The following OXCT2 variants were observed in gnomAD, a reference collection of about 807,000 sequenced individuals.
OXCT2 encodes succinyl-CoA:3-ketoacid coenzyme A transferase 2, mitochondrial.
For missense variants in OXCT2, 317 were observed against 695.7 expected (o/e 0.46, Z 6.12); for synonymous variants, 110 against 298.4 (o/e 0.37, Z 6.51).
In OXCT2 at chr1:39,769,674, G is replaced by C; in HGVS notation, c.*28C>G. The stretch of plus-strand genomic sequence containing the variant: ...CCCGGTGGCACCCGCCCTGAGGAGC[G>C]CACCACCCCGCCCAGATCCAGGTCC... On this transcript the variant is annotated 3_prime_UTR_variant, in exon 1 of 1. Coordinates refer to ENST00000327582, the MANE Select transcript of OXCT2 (RefSeq NM_022120.2). The C allele has an allele frequency of 6.4e-7, 1 of 1,561,488 alleles. No homozygotes were observed. Among genetic ancestry groups the C allele is most frequent in the East Asian group, 2.3e-5 (1 of 44,062 alleles).
chr1:39,770,605 C>G lies in OXCT2; in HGVS notation c.651G>C (p.Arg217=). The G allele has an allele frequency of 6.3e-7, 1 of 1,593,816 alleles. No homozygotes were observed. Among genetic ancestry groups the G allele is most frequent in the South Asian group, 1.1e-5 (1 of 89,796 alleles). ...FALVKGWKAD[R]AGNVVFRRSA... ...TTCTCCTGAAGACCACGTTTCCTGC[C>G]CGGTCGGCCTTCCACCCTTTCACCA... The change falls in exon 1 of 1, where the codon CGG becomes CGC. Residue 217 remains arginine, a synonymous_variant. Transcript: ENST00000327582.
chr1:39,770,671 G>T lies in OXCT2; in HGVS notation c.585C>A (p.Asp195Glu). Reference sequence around the variant, plus strand: ...GGATGGCGCGCTCCAAAAGGAAGTGGTCGCCGTTGAACTCCCTCACCTCTC... The same window carrying T: ...GGATGGCGCGCTCCAAAAGGAAGTGTTCGCCGTTGAACTCCCTCACCTCTC... ...QPREVREFNG[D>E]HFLLERAIRA... Residue 195 changes from aspartate (D) to glutamate (E), a missense_variant, in exon 1 of 1, where the codon GAC becomes GAA. Asp to Glu is a conservative substitution (Grantham distance 45, BLOSUM62 2). Coordinates refer to ENST00000327582, the MANE Select transcript of OXCT2 (RefSeq NM_022120.2). 1 of 1,445,664 alleles carries T rather than the reference G, an allele frequency of 6.9e-7. No individual in the cohort carries two copies. Among genetic ancestry groups the T allele is most frequent in the Non-Finnish European group, 9.3e-7 (1 of 1,077,452 alleles). 89.6% of individuals were successfully genotyped at this position (1,445,664 alleles called of 1,614,324 possible).
At position 39,769,870 on chromosome 1, in the gene OXCT2, G is replaced by A. The variant is rs771765137; in HGVS notation, c.1386C>T (p.Cys462=). 5 of 1,611,026 alleles carry A rather than the reference G, an allele frequency of 3.1e-6. No homozygotes were observed. Among genetic ancestry groups the A allele is most frequent in the Non-Finnish European group, 3.4e-6 (4 of 1,179,206 alleles). The part of the protein sequence containing the change: ...KCTMPLTGKR[C]VDRIITEKAV... ...CCTTCTCGGTGATGATGCGGTCCAC[G>A]CACCGCTTCCCGGTCAGCGGCATGG... The change falls in exon 1 of 1, where the codon TGC becomes TGT. Residue 462 remains cysteine, a synonymous_variant. Coordinates refer to ENST00000327582, the MANE Select transcript of OXCT2 (RefSeq NM_022120.2).
Position 39,770,161 on chromosome 1 carries a change from C to G in OXCT2, c.1095G>C (p.Lys365Asn). The G allele has an allele frequency of 2.4e-6, 3 of 1,269,028 alleles. No individual in the cohort carries two copies. Among genetic ancestry groups the G allele is most frequent in the Non-Finnish European group, 1.1e-6 (1 of 945,462 alleles). The allele number at this position is 1,269,028 out of a possible 1,614,324, so 78.6% of individuals were successfully genotyped here. ...EVDADLINAG[K>N]QTVTVLPGGC... ...CCCCGGGAAGCACCGTGACCGTCTG[C>G]TTGCCTGCATTGATGAGGTCGGCAT... The change falls in exon 1 of 1, where the codon AAG (lysine) becomes AAC (asparagine). Residue 365 changes from lysine (K) to asparagine (N), a missense_variant. Physicochemically the swap from Lys to Asn is moderately conservative, Grantham distance 94. Coordinates refer to ENST00000327582, the MANE Select transcript of OXCT2 (RefSeq NM_022120.2).
chr1:39,771,167 C>A lies in OXCT2; in HGVS notation c.89G>T (p.Arg30Leu). 2 of 1,550,982 alleles carry A rather than the reference C, an allele frequency of 1.3e-6. No individual in the cohort carries two copies. Among genetic ancestry groups the A allele is most frequent in the Non-Finnish European group, 1.8e-6 (2 of 1,141,632 alleles). Residue 30 changes from arginine (R) to leucine (L), a missense_variant, in exon 1 of 1, where the codon CGC (arginine) becomes CTC (leucine). Physicochemically the swap from Arg to Leu is moderately radical, Grantham distance 102 (BLOSUM62 -2). Transcript: ENST00000327582. Reference protein sequence around the residue: ...SGLALSQGCARCFATSPRLRA... With the variant: ...SGLALSQGCALCFATSPRLRA... The stretch of plus-strand genomic sequence containing the variant: ...GAGCCGGGGACTGGTGGCAAAGCAG[C>A]GGGCGCAGCCCTGGGACAGCGCGAG...
Position 39,771,258 on chromosome 1 carries a change from T to G in OXCT2, c.-3A>C. On this transcript the variant is annotated 5_prime_UTR_variant, in exon 1 of 1. Coordinates refer to ENST00000327582, the MANE Select transcript of OXCT2 (RefSeq NM_022120.2). Reference sequence around the variant, plus strand: ...GCCAGGAGCCGCAGCGCCGCCATAGTCGGCCCGGGTCGGAGGCCAGGACAG... The same window carrying G: ...GCCAGGAGCCGCAGCGCCGCCATAGGCGGCCCGGGTCGGAGGCCAGGACAG... 6.6e-7 allele frequency: 1 copy of G among 1,512,836 alleles called. No individual in the cohort carries two copies. Among genetic ancestry groups the G allele is most frequent in the Non-Finnish European group, 8.8e-7 (1 of 1,131,986 alleles). The allele number at this position is 1,512,836 out of a possible 1,614,324, so 93.7% of individuals were successfully genotyped here.
Position 39,769,568 on chromosome 1 carries a change from A to C in OXCT2, c.*134T>G, listed in dbSNP as rs1649803535. 2.4e-6 allele frequency: 3 copies of C among 1,271,354 alleles called. No individual in the cohort carries two copies. In the South Asian group the frequency reaches 4.8e-5, roughly 20 times the overall value. The allele number at this position is 1,271,354 out of a possible 1,614,324, so 78.8% of individuals were successfully genotyped here. On this transcript the variant is annotated 3_prime_UTR_variant, in exon 1 of 1. Transcript: ENST00000327582. ...AATTAAAGTCGCAGCTCTCTAGAGG[A>C]GCACTGTCCACCTAGGGAGGAAAGT... is the stretch of plus-strand genomic sequence containing the variant.
In OXCT2 at chr1:39,771,239, A is replaced by C. The variant is rs1279939995; in HGVS notation, c.17T>G (p.Leu6Arg). The change falls in exon 1 of 1, where the codon CTC (leucine) becomes CGC (arginine). Residue 6 changes from leucine (L) to arginine (R), a missense_variant. Leu to Arg is a moderately radical substitution (Grantham distance 102, BLOSUM62 -2). Coordinates refer to ENST00000327582, the MANE Select transcript of OXCT2 (RefSeq NM_022120.2). Reference protein sequence around the residue: MAALRLLASVLGRGVP... With the variant: MAALRRLASVLGRGVP... ...CCCGCGCCCGAGCACTGACGCCAGG[A>C]GCCGCAGCGCCGCCATAGTCGGCCC... The C allele has an allele frequency of 3.9e-6, 6 of 1,523,928 alleles. No individual in the cohort carries two copies. In the African/African-American group the frequency reaches 8.3e-5, roughly 21 times the overall value. 94.4% of individuals were successfully genotyped at this position (1,523,928 alleles called of 1,614,324 possible). A position where few individuals can be genotyped will look rare whatever the true frequency, so the allele number is the denominator to read the frequency against.
Position 39,770,624 on chromosome 1 carries a change from T to C in OXCT2, c.632A>G (p.Lys211Arg), listed in dbSNP as rs761369477. The change falls in exon 1 of 1, where the codon AAA (lysine) becomes AGA (arginine). Residue 211 changes from lysine (K) to arginine (R), a missense_variant. Coordinates refer to ENST00000327582, the MANE Select transcript of OXCT2 (RefSeq NM_022120.2). ...TCCTGCCCGGTCGGCCTTCCACCCT[T>C]TCACCAGGGCGAAGTCTGCCCGGAT... ...RAIRADFALVKGWKADRAGNV... is the reference protein window; with the variant it reads ...RAIRADFALVRGWKADRAGNV... 1.3e-6 allele frequency: 2 copies of C among 1,576,556 alleles called. No individual in the cohort carries two copies. Among genetic ancestry groups the C allele is most frequent in the East Asian group, 2.3e-5 (1 of 42,988 alleles).
At position 39,769,564 on chromosome 1, in the gene OXCT2, G is replaced by A; in HGVS notation, c.*138C>T. On this transcript the variant is annotated 3_prime_UTR_variant, in exon 1 of 1. Transcript: ENST00000327582. Reference sequence around the variant, plus strand: ...TTTTAATTAAAGTCGCAGCTCTCTAGAGGAGCACTGTCCACCTAGGGAGGA... The same window carrying A: ...TTTTAATTAAAGTCGCAGCTCTCTAAAGGAGCACTGTCCACCTAGGGAGGA... The A allele has an allele frequency of 7.9e-7, 1 of 1,269,700 alleles. No individual in the cohort carries two copies. Among genetic ancestry groups the A allele is most frequent in the Admixed American group, 3.0e-5 (1 of 33,862 alleles). The allele number at this position is 1,269,700 out of a possible 1,614,324, so 78.7% of individuals were successfully genotyped here. A position where few individuals can be genotyped will look rare whatever the true frequency, so the allele number is the denominator to read the frequency against.
chr1:39,769,622 G>A lies in OXCT2; in HGVS notation c.*80C>T, dbSNP rs1649806025. 1 of 1,444,360 alleles carries A rather than the reference G, an allele frequency of 6.9e-7. No individual in the cohort carries two copies. Among genetic ancestry groups the A allele is most frequent in the Non-Finnish European group, 9.1e-7 (1 of 1,099,208 alleles). The allele number at this position is 1,444,360 out of a possible 1,614,324, so 89.5% of individuals were successfully genotyped here. On this transcript the variant is annotated 3_prime_UTR_variant, in exon 1 of 1. Transcript: ENST00000327582. ...AGGCCAGTAGCAAACCCCTCCCAGA[G>A]CTGGGGACATGTATTCCCCTGGGGA...
chr1:39,770,397 C>T lies in OXCT2; in HGVS notation c.859G>A (p.Glu287Lys), dbSNP rs1299223339. The T allele has an allele frequency of 1.1e-5, 18 of 1,601,170 alleles. No individual in the cohort carries two copies. Among genetic ancestry groups the T allele is most frequent in the Non-Finnish European group, 1.5e-5 (18 of 1,176,668 alleles). Reference protein sequence around the residue: ...KRIERLTILKEEDGDAGKEED... With the variant: ...KRIERLTILKKEDGDAGKEED... ...TCCTTTCCAGCGTCTCCATCTTCCT[C>T]TTTCAGGATCGTTAAGCGCTCAATT... The change falls in exon 1 of 1, where the codon GAG (glutamate) becomes AAG (lysine). Residue 287 changes from glutamate to lysine, a missense_variant. Coordinates refer to ENST00000327582, the MANE Select transcript of OXCT2 (RefSeq NM_022120.2).
rs989761790 is a variant in OXCT2, at chr1:39,771,118, C to T, written c.138G>A (p.Pro46=). The T allele has an allele frequency of 2.6e-6, 4 of 1,557,546 alleles. 1 individual carries two copies. Among genetic ancestry groups the T allele is most frequent in the South Asian group, 2.3e-5 (2 of 85,218 alleles). The change falls in exon 1 of 1, where the codon CCG becomes CCA. Residue 46 remains proline (P), a synonymous_variant. Transcript: ENST00000327582. The part of the protein sequence containing the change: ...PRLRAKFYAD[P]VEMVKDISDG... Reference sequence around the variant, plus strand: ...CAGAGATGTCCTTCACCATCTCCACCGGGTCCGCGTAGAACTTGGCACGGA... The same window carrying T: ...CAGAGATGTCCTTCACCATCTCCACTGGGTCCGCGTAGAACTTGGCACGGA...
chr1:39,771,038 A>G lies in OXCT2; in HGVS notation c.218T>C (p.Leu73Pro). 1 of 1,513,530 alleles carries G rather than the reference A, an allele frequency of 6.6e-7. No homozygotes were observed. Among genetic ancestry groups the G allele is most frequent in the African/African-American group, 1.4e-5 (1 of 70,848 alleles). 93.8% of individuals were successfully genotyped at this position (1,513,530 alleles called of 1,614,324 possible). A position where few individuals can be genotyped will look rare whatever the true frequency, so the allele number is the denominator to read the frequency against. Residue 73 changes from leucine to proline, a missense_variant, in exon 1 of 1, where the codon CTG becomes CCG. Physicochemically the swap from Leu to Pro is moderately conservative, Grantham distance 98. Coordinates refer to ENST00000327582, the MANE Select transcript of OXCT2 (RefSeq NM_022120.2). ...GFGLCGIPEN[L>P]IAALLRTRVK... Reference sequence around the variant, plus strand: ...GCGGGTCCTGAGCAGCGCGGCGATCAGGTTCTCGGGGATCCCGCAGAGCCC... The same window carrying G: ...GCGGGTCCTGAGCAGCGCGGCGATCGGGTTCTCGGGGATCCCGCAGAGCCC...
At position 39,770,365 on chromosome 1, in the gene OXCT2, G is replaced by A. The variant is rs773631291; in HGVS notation, c.891C>T (p.Asp297=). The part of the protein sequence containing the change: ...EEDGDAGKEE[D]ARTRIIRRAA... ...CGCGTCTGATGATGCGCGTCCTGGCGTCCTCTTCCTTTCCAGCGTCTCCAT... is the reference window on the plus strand; with the variant it reads ...CGCGTCTGATGATGCGCGTCCTGGCATCCTCTTCCTTTCCAGCGTCTCCAT... The change falls in exon 1 of 1, where the codon GAC becomes GAT. Residue 297 remains aspartate, a synonymous_variant. Transcript: ENST00000327582. The A allele has an allele frequency of 1.6e-5, 26 of 1,596,332 alleles. No homozygotes were observed. In the Admixed American group the frequency reaches 3.0e-4, roughly 19 times the overall value.
At position 39,769,531 on chromosome 1, in the gene OXCT2, C is replaced by T; in HGVS notation, c.*171G>A. ...ACACAGTGAGGAACTGATCTGTTTT[C>T]CTGTTGTTTTTAATTAAAGTCGCAG... is the stretch of plus-strand genomic sequence containing the variant. On this transcript the variant is annotated 3_prime_UTR_variant, in exon 1 of 1. Coordinates refer to ENST00000327582, the MANE Select transcript of OXCT2 (RefSeq NM_022120.2). 1 of 944,966 alleles carries T rather than the reference C, an allele frequency of 1.1e-6. No individual in the cohort carries two copies. Among genetic ancestry groups the T allele is most frequent in the African/African-American group, 1.7e-5 (1 of 58,986 alleles). 58.5% of individuals were successfully genotyped at this position (944,966 alleles called of 1,614,324 possible).
In OXCT2 at chr1:39,770,319, C is replaced by G; in HGVS notation, c.937G>C (p.Gly313Arg). ...CCTATGCCCAGATTGGCGTACATGCCGTCCTCAAATTCCAGAGCTGCGCGT... is the reference window on the plus strand; with the variant it reads ...CCTATGCCCAGATTGGCGTACATGCGGTCCTCAAATTCCAGAGCTGCGCGT... Reference protein sequence around the residue: ...IRRAALEFEDGMYANLGIGIP... With the variant: ...IRRAALEFEDRMYANLGIGIP... The change falls in exon 1 of 1, where the codon GGC becomes CGC. Residue 313 changes from glycine to arginine, a missense_variant. By Grantham distance (125) the Gly-to-Arg change is moderately radical (BLOSUM62 -2). Transcript: ENST00000327582. The G allele has an allele frequency of 6.3e-7, 1 of 1,587,186 alleles. No individual in the cohort carries two copies. The highest frequency in any genetic ancestry group is 8.5e-7 in the Non-Finnish European group (1 of 1,171,928).
chr1:39,770,174 A>C lies in OXCT2; in HGVS notation c.1082T>G (p.Ile361Ser). 7.7e-7 allele frequency: 1 copy of C among 1,299,788 alleles called. No individual in the cohort carries two copies. The highest frequency in any genetic ancestry group is 1.0e-6 in the Non-Finnish European group (1 of 971,486). The allele number at this position is 1,299,788 out of a possible 1,614,324, so 80.5% of individuals were successfully genotyped here. The change falls in exon 1 of 1, where the codon ATC becomes AGC. Residue 361 changes from isoleucine to serine, a missense_variant. Transcript: ENST00000327582. The stretch of plus-strand genomic sequence containing the variant: ...CGTGACCGTCTGCTTGCCTGCATTG[A>C]TGAGGTCGGCATCCACCTCATCTTC... ...PTEDEVDADL[I>S]NAGKQTVTVL...
Position 39,771,269 on chromosome 1 carries a change from C to T in OXCT2, c.-14G>A, listed in dbSNP as rs1471852589. 4.6e-6 allele frequency: 7 copies of T among 1,509,828 alleles called. No individual in the cohort carries two copies. Among genetic ancestry groups the T allele is most frequent in the East Asian group, 2.5e-5 (1 of 40,516 alleles). 93.5% of individuals were successfully genotyped at this position (1,509,828 alleles called of 1,614,324 possible). ...CAGCGCCGCCATAGTCGGCCCGGGT[C>T]GGAGGCCAGGACAGGTGGTGTGAGC... On this transcript the variant is annotated 5_prime_UTR_variant, in exon 1 of 1. Transcript: ENST00000327582.
Sources: gnomAD v4.1 joint callset for allele counts on GRCh38, gnomAD v4.1.1 for gene constraint, MANE v1.5 for transcripts, NCBI Gene and HGNC (gene_info 2026-07-23, HGNC 2026-07-21) for gene names.